DCP1B: variants seen among roughly 807,000 people sequenced by gnomAD.
DCP1B encodes the protein decapping mRNA 1B, also known as mRNA-decapping enzyme 1B.
Under a neutral mutation model 60.5 loss-of-function variants are expected in DCP1B, and 47 were observed. The ratio of observed to expected loss-of-function variants is 0.78; its 90% CI spans 0.61 to 0.99. The LOEUF is 0.99. Among genes scored for constraint, DCP1B ranks in the 50% least tolerant of loss-of-function variants. The pLI, the probability that DCP1B is intolerant of heterozygous loss-of-function variation, is 0.00. For missense variants in DCP1B, 725 were observed against 756.8 expected, an observed-to-expected ratio of 0.96 and a Z score of 0.49; for synonymous variants, 267 against 280.3, an observed-to-expected ratio of 0.95 and a Z score of 0.47.
chr12:1,963,979 C>T (rs1196572883), intron 5 of DCP1B, among the ~76,000 whole-genome samples: 1 of 152,104 alleles, frequency 6.6e-6, no homozygotes, highest in African/African-American at 2.4e-5. Context: ...TTGGTTCCAA[C>T]CACGTTTATC....
chr12:1,988,765 G>T (rs941774460), intron 3 of DCP1B, among the ~76,000 whole-genome samples: 1 of 152,092 alleles, frequency 6.6e-6, no homozygotes, highest in Admixed American at 6.6e-5. Flanking sequence ...TAGAAGATGG[G>T]GGCTACCTGT....
chr12:1,952,431 C>T lies in DCP1B; in HGVS notation c.1509G>A (p.Gln503=), dbSNP rs757759032. The T allele has an allele frequency of 3.1e-6, 5 of 1,591,684 alleles. No homozygotes were observed. In the South Asian group the frequency reaches 4.5e-5, roughly 14 times the overall value. The change falls in exon 7 of 9, where the codon CAG becomes CAA. Residue 503 remains glutamine (Q), a synonymous_variant. Transcript: ENST00000280665. ...ACATATTTACCTGGAAAAGAGGAGT[C>T]TGCTGTTCTGTGTTGGGTGTCTTGT... ...WINKTPNTEQ[Q]TPLFQVISPQ... is the part of the protein sequence containing the mutation.
chr12:1,957,103 C>T (rs1043499422), intron 5 of DCP1B, among the ~76,000 whole-genome samples: 2 of 152,156 alleles, frequency 1.3e-5, no homozygotes, highest in Admixed American at 1.3e-4. Flanking sequence ...ATTAATCATC[C>T]ACCTCAGTAG....
chr12:1,980,981 A>G (rs911513739), intron 3 of DCP1B, among the ~76,000 whole-genome samples: 5 of 152,158 alleles, frequency 3.3e-5, no homozygotes, highest in African/African-American at 1.2e-4. Flanking sequence ...ATAAAGTTCT[A>G]TAAAGAAAAT....
chr12:1,950,647 A>G (rs1379470732), intron 7 of DCP1B, among the ~76,000 whole-genome samples: 1 of 152,162 alleles, frequency 6.6e-6, no homozygotes, highest in Non-Finnish European at 1.5e-5. Context: ...GTTTTCAAAA[A>G]ACTGAATTTT....
intron 2 of DCP1B, among the ~76,000 whole-genome samples, chr12:1,996,655 A>AAAAAAAAAAT (rs2040966838): frequency 4.0e-5 from 1 of 24,918 alleles, no homozygotes; most frequent in Non-Finnish European, 7.3e-5. Context: ...AAAAAAAAAA[A>AAAAAAAAAAT]CAACAAACTC....
At chr12:1,950,747 A>C in intron 7 of DCP1B, among the ~76,000 whole-genome samples, 1 of 152,188 alleles carries the variant, frequency 6.6e-6, no homozygotes, top group East Asian at 1.9e-4. Context: ...CTTGGGCTCA[A>C]GCAATCTTCC....
intron 3 of DCP1B, chr12:1,991,115 G>A (rs1309831637): frequency 2.2e-6 from 1 of 456,078 alleles, no homozygotes; most frequent in Middle Eastern, 3.3e-4. Context: ...GCATCCCAAA[G>A]GCTACCTTTA....
At chr12:1,993,612 T>C (rs1368806745) in intron 2 of DCP1B, among the ~76,000 whole-genome samples, 4 of 146,874 alleles carry the variant, frequency 2.7e-5, no homozygotes, top group Non-Finnish European at 6.0e-5. Context: ...TAAAATTGAG[T>C]CATACTTCAT....
At chr12:2,003,644 C>T (rs981243581) in intron 1 of DCP1B, among the ~76,000 whole-genome samples, 2 of 152,162 alleles carry the variant, frequency 1.3e-5, no homozygotes, top group Non-Finnish European at 2.9e-5. Flanking sequence ...AATAATTTGG[C>T]TCCCAAATGA....
At chr12:1,997,860 T>A in intron 2 of DCP1B, 75 bp downstream of exon 2, 1 of 1,220,186 alleles carries the variant, frequency 8.2e-7, no homozygotes, top group Middle Eastern at 1.9e-4. Context: ...TGCATGCACT[T>A]GAAGAAGAGT....
chr12:1,950,321 C>T (rs1313008783), intron 7 of DCP1B: 2 of 702,380 alleles, frequency 2.8e-6, no homozygotes, highest in Non-Finnish European at 5.2e-6. Flanking sequence ...ATTCTGAGCA[C>T]AGCGTGGGCT....
chr12:1,993,032 A>G (rs1406206291), intron 3 of DCP1B: 6 of 663,926 alleles, frequency 9.0e-6, no homozygotes, highest in Non-Finnish European at 1.6e-5. Flanking sequence ...AAAGCTTCAA[A>G]AGACAGGGTT....
intron 5 of DCP1B, among the ~76,000 whole-genome samples, chr12:1,959,495 A>G (rs890856991): frequency 6.6e-6 from 1 of 152,246 alleles, no homozygotes; most frequent in African/African-American, 2.4e-5. Context: ...AATGCTCGAC[A>G]TCGCTAATCA....
chr12:1,982,732 T>C (rs958396485), intron 3 of DCP1B, among the ~76,000 whole-genome samples: 2 of 152,178 alleles, frequency 1.3e-5, no homozygotes, highest in African/African-American at 4.8e-5. Flanking sequence ...ACAAGAGACA[T>C]TGATCAATAA....
chr12:1,945,906 A>C (rs530908202), downstream of DCP1B: 186 of 162,564 alleles, frequency 1.1e-3, no homozygotes, highest in Middle Eastern at 5.8e-3. Context: ...TAGGGGAGGA[A>C]GCGCGTTAGG....
intron 7 of DCP1B, among the ~76,000 whole-genome samples, chr12:1,951,428 G>C (rs1423612974): frequency 6.6e-6 from 1 of 152,226 alleles, no homozygotes; most frequent in African/African-American, 2.4e-5. Flanking sequence ...CAGATCTCCA[G>C]ATGTTACCCA....
chr12:1,980,130 A>G (rs935555666), intron 3 of DCP1B, among the ~76,000 whole-genome samples: 1 of 152,208 alleles, frequency 6.6e-6, no homozygotes, highest in Admixed American at 6.5e-5. Flanking sequence ...CCCAAGATAG[A>G]TAGGCATACA....
At chr12:1,983,225 G>GTTT (rs57856032) in intron 3 of DCP1B, among the ~76,000 whole-genome samples, 3 of 150,812 alleles carry the variant, frequency 2.0e-5, no homozygotes, top group African/African-American at 7.3e-5. Flanking sequence ...TCTCTAAACA[G>GTTT]TTTTTTTGTT....
Sources: gnomAD v4.1 joint callset for allele counts (sites outside exome capture counted in the v4.1 genomes callset) on GRCh38, gnomAD v4.1.1 for gene constraint, MANE v1.5 for transcripts, NCBI Gene and HGNC (gene_info 2026-07-23, HGNC 2026-07-21) for gene names.